Variants in ADAMTSL1 observed in about 807,000 individuals in gnomAD.
ADAMTSL1 encodes ADAMTS like 1, also known as ADAMTS-like protein 1.
In ADAMTSL1, 126 loss-of-function variants were observed where a neutral mutation model predicts 201.8. The observed-to-expected ratio is 0.62, with a 90% CI of 0.54 to 0.72. The LOEUF (loss-of-function observed/expected upper bound fraction) is 0.72, where lower values mean the gene tolerates loss of function less well. Ranked by LOEUF, ADAMTSL1 falls within the 30% of genes least tolerant of loss-of-function variation. The pLI, the probability that ADAMTSL1 is intolerant of heterozygous loss-of-function variation, is 0.00. For missense variants in ADAMTSL1, 2,679 were observed against 2,277.8 expected (o/e 1.18, Z -3.59); for synonymous variants, 1,121 against 903.4 (o/e 1.24, Z -4.32).
intron 26 of ADAMTSL1, among the ~76,000 whole-genome samples, chr9:18,896,580 G>A (rs905857000): frequency 4.6e-5 from 7 of 152,166 alleles, no homozygotes; most frequent in African/African-American, 1.7e-4. Context: ...GACCCATGGA[G>A]AATGAAGAAA....
At chr9:18,170,521 C>T (rs769428743) in intron 2 of ADAMTSL1, among the ~76,000 whole-genome samples, 8 of 151,936 alleles carry the variant, frequency 5.3e-5, no homozygotes, top group Middle Eastern at 3.4e-3. Context: ...GGAGTATTAA[C>T]GAATAACTCA....
At chr9:18,184,040 G>A (rs1369631069) in intron 2 of ADAMTSL1, among the ~76,000 whole-genome samples, 1 of 152,196 alleles carries the variant, frequency 6.6e-6, no homozygotes, top group Non-Finnish European at 1.5e-5. Context: ...CTGTCTAAAA[G>A]AGGGAGAGAT....
At chr9:18,648,372 A>G (rs1263508216) in intron 7 of ADAMTSL1, among the ~76,000 whole-genome samples, 4 of 151,700 alleles carry the variant, frequency 2.6e-5, no homozygotes, top group Non-Finnish European at 5.9e-5. Flanking sequence ...TAATTGGCGC[A>G]TTTAGTCCAT....
At chr9:18,097,592 T>C (rs1824308741) in intron 1 of ADAMTSL1, among the ~76,000 whole-genome samples, 1 of 152,196 alleles carries the variant, frequency 6.6e-6, no homozygotes, top group South Asian at 2.1e-4. Context: ...GGTCTGTCTT[T>C]CCAATTTTCA....
At chr9:18,359,818 T>TGCCCCCCCCCCC (rs1836426063) in intron 2 of ADAMTSL1, among the ~76,000 whole-genome samples, 1 of 42,628 alleles carries the variant, frequency 2.3e-5, no homozygotes, top group Non-Finnish European at 4.4e-5. Flanking sequence ...ATGCCCCACC[T>TGCCCCCCCCCCC]CCCCACCCGC....
intron 2 of ADAMTSL1, among the ~76,000 whole-genome samples, chr9:18,223,940 T>C (rs77323519): frequency 0.013 from 1,927 of 152,292 alleles, 56 homozygotes; most frequent in African/African-American, 0.044. Context: ...TCATTGCTAA[T>C]CTAGGACTCT....
At chr9:18,884,407 A>T (rs867020173) in intron 23 of ADAMTSL1, among the ~76,000 whole-genome samples, 2 of 152,138 alleles carry the variant, frequency 1.3e-5, no homozygotes, top group African/African-American at 4.8e-5. Flanking sequence ...GATGTGTCAA[A>T]GATTTAAATT....
At chr9:17,974,990 A>G (rs914156820) in intron 1 of ADAMTSL1, among the ~76,000 whole-genome samples, 2 of 152,164 alleles carry the variant, frequency 1.3e-5, no homozygotes, top group Admixed American at 1.3e-4. Flanking sequence ...CAAACACTGC[A>G]CAAAGTTTCC....
intron 20 of ADAMTSL1, among the ~76,000 whole-genome samples, chr9:18,799,514 G>T (rs1822640512): frequency 6.6e-6 from 1 of 152,206 alleles, no homozygotes; most frequent in African/African-American, 2.4e-5. Context: ...CTCCAGGTAT[G>T]GAGCATTGGT....
chr9:18,776,917 G>A lies in ADAMTSL1; in HGVS notation c.2688G>A (p.Val896=). 3 of 1,607,910 alleles carry A rather than the reference G, an allele frequency of 1.9e-6. No individual in the cohort carries two copies. The highest frequency in any genetic ancestry group is 2.5e-6 in the Non-Finnish European group (3 of 1,177,652). ...FAYLLPKTAV[V]LRCPARRVRK... ...ACCTGCTCCCCAAGACGGCGGTGGT[G>A]CTGCGCTGCCCGGCGCGCAGGGTCC... Residue 896 remains valine, a synonymous_variant, in exon 19 of 29, where the codon GTG becomes GTA. Coordinates refer to ENST00000380548, the MANE Select transcript of ADAMTSL1 (RefSeq NM_001040272.6).
intron 23 of ADAMTSL1, among the ~76,000 whole-genome samples, chr9:18,845,949 T>C (rs1826077304): frequency 6.6e-6 from 1 of 152,190 alleles, no homozygotes. Flanking sequence ...ATATCCAAAG[T>C]TGAAATTCAT....
At chr9:18,849,074 T>C (rs1309880989) in intron 23 of ADAMTSL1, among the ~76,000 whole-genome samples, 1 of 152,244 alleles carries the variant, frequency 6.6e-6, no homozygotes, top group East Asian at 1.9e-4. Context: ...ATGTCACCAA[T>C]GTGATACTTA....
At chr9:18,001,385 A>T (rs1819605852) in intron 1 of ADAMTSL1, among the ~76,000 whole-genome samples, 2 of 151,590 alleles carry the variant, frequency 1.3e-5, no homozygotes, top group South Asian at 4.2e-4. Context: ...TAGATAAGAG[A>T]TTGGAACTGG....
chr9:17,929,679 C>T (rs1454578652), intron 1 of ADAMTSL1, among the ~76,000 whole-genome samples: 4 of 152,116 alleles, frequency 2.6e-5, no homozygotes, highest in Non-Finnish European at 5.9e-5. Context: ...AGGTCTCTTT[C>T]CTTTATTTTG....
At chr9:18,476,847 T>C (rs1821479913) in intron 1 of ADAMTSL1, among the ~76,000 whole-genome samples, 1 of 152,176 alleles carries the variant, frequency 6.6e-6, no homozygotes, top group African/African-American at 2.4e-5. Flanking sequence ...AGCTGAATCA[T>C]CTGTATCATG....
chr9:18,422,612 A>G (rs12348931), intron 2 of ADAMTSL1, among the ~76,000 whole-genome samples: 6,510 of 152,144 alleles, frequency 0.043, 371 homozygotes, highest in African/African-American at 0.13. Context: ...GTGTCCTTTT[A>G]CCATCTTGCG....
chr9:18,135,173 A>G (rs1316955968), intron 1 of ADAMTSL1, among the ~76,000 whole-genome samples: 1 of 152,190 alleles, frequency 6.6e-6, no homozygotes, highest in Non-Finnish European at 1.5e-5. Context: ...GTATAACTCC[A>G]TATGTGGAAT....
chr9:18,534,527 A>G (rs142612290), intron 3 of ADAMTSL1, among the ~76,000 whole-genome samples: 3,298 of 152,304 alleles, frequency 0.022, 56 homozygotes, highest in Non-Finnish European at 0.03. Flanking sequence ...GTATATGCAT[A>G]TTTAGGACTT....
intron 19 of ADAMTSL1, among the ~76,000 whole-genome samples, chr9:18,795,160 A>T (rs1008092442): frequency 2.0e-5 from 3 of 151,742 alleles, no homozygotes; most frequent in Non-Finnish European, 4.4e-5. Context: ...TAGATCAAGT[A>T]ATCCACAGGC....
Sources: allele counts gnomAD v4.1 joint callset (sites outside exome capture counted in the v4.1 genomes callset), GRCh38; gene constraint gnomAD v4.1.1; transcripts MANE v1.5; gene names NCBI Gene and HGNC (gene_info 2026-07-23, HGNC 2026-07-21).